Variants in PATJ observed in about 807,000 individuals in gnomAD.
The protein encoded by PATJ is inaD-like protein.
Under a neutral mutation model 224.9 loss-of-function variants are expected in PATJ, and 190 were observed. That is an observed-to-expected ratio of 0.84 (90% CI 0.75 to 0.95). The LOEUF is 0.95. Among genes scored for constraint, PATJ ranks in the 40% least tolerant of loss-of-function variants. PATJ has a pLI of 0.00. For synonymous variants in PATJ, 769 were observed against 820.3 expected (o/e 0.94, Z 1.07); for missense variants, 2,121 against 2,270.3 (o/e 0.93, Z 1.34).
intron 33 of PATJ, among the ~76,000 whole-genome samples, chr1:62,096,939 A>G (rs1454829615): frequency 6.6e-6 from 1 of 152,278 alleles, no homozygotes; most frequent in Non-Finnish European, 1.5e-5. Flanking sequence ...TTTATATACT[A>G]GATATGCCCC....
At chr1:61,922,805 C>G (rs950461718) in intron 26 of PATJ, among the ~76,000 whole-genome samples, 1 of 152,146 alleles carries the variant, frequency 6.6e-6, no homozygotes, top group Non-Finnish European at 1.5e-5. Context: ...TATTGGTTAC[C>G]TATAGTGAAC....
Position 61,766,134 on chromosome 1 carries a change from A to G in PATJ, c.190-145A>G, listed in dbSNP as rs1646256536. 5 of 569,624 alleles carry G rather than the reference A, an allele frequency of 8.8e-6. No individual in the cohort carries two copies. The East Asian group carries it at 1.0e-4, about 12-fold the overall frequency. The allele number at this position is 569,624 out of a possible 1,614,324, so 35.3% of individuals were successfully genotyped here. ...AAAAAATTTTTAGCCTTGTGAATAC[A>G]CAGATTTGATCTATCTTTACCTTAT... On this transcript the variant is annotated intron_variant, in intron 3 of 43. Transcript: ENST00000642238.
chr1:61,784,272 TTC>T (rs1648026730), intron 7 of PATJ, among the ~76,000 whole-genome samples: 1 of 152,236 alleles, frequency 6.6e-6, no homozygotes, highest in African/African-American at 2.4e-5. Context: ...GATTGATGAT[TTC>T]TGTTAAAGAA....
chr1:61,916,972 G>A (rs1362332708), intron 26 of PATJ, among the ~76,000 whole-genome samples: 3 of 152,170 alleles, frequency 2.0e-5, no homozygotes, highest in African/African-American at 7.2e-5. Flanking sequence ...AGAATACAGA[G>A]TCTGGAAAAT....
chr1:62,141,532 A>C (rs1667494483), intron 41 of PATJ, among the ~76,000 whole-genome samples: 1 of 152,024 alleles, frequency 6.6e-6, no homozygotes, highest in African/African-American at 2.4e-5. Flanking sequence ...AAAATTAGCC[A>C]GGCATGGTGG....
At chr1:62,070,848 A>C (rs1012094830) in intron 31 of PATJ, among the ~76,000 whole-genome samples, 2 of 152,212 alleles carry the variant, frequency 1.3e-5, no homozygotes, top group African/African-American at 4.8e-5. Flanking sequence ...CTCCAGTCTC[A>C]GGATAGTGCT....
At chr1:62,156,023 A>C (rs1346175726) in intron 43 of PATJ, among the ~76,000 whole-genome samples, 3 of 129,346 alleles carry the variant, frequency 2.3e-5, no homozygotes, top group Non-Finnish European at 4.6e-5. Flanking sequence ...GCGCCACTGC[A>C]CTCCAGCCTG....
intron 4 of PATJ, 39 bp from the exon 5 acceptor site, chr1:61,769,244 G>A (rs2148346928): frequency 6.3e-7 from 1 of 1,587,654 alleles, no homozygotes; most frequent in Non-Finnish European, 8.5e-7. Context: ...TTGGCTAAAT[G>A]TACACCATTG....
intron 41 of PATJ, among the ~76,000 whole-genome samples, chr1:62,146,201 A>G (rs1278560528): frequency 6.6e-6 from 1 of 152,032 alleles, no homozygotes; most frequent in Non-Finnish European, 1.5e-5. Flanking sequence ...CTGGCATGTG[A>G]GAGAAACAGT....
intron 26 of PATJ, among the ~76,000 whole-genome samples, chr1:61,916,841 T>A (rs572520433): frequency 7.9e-5 from 12 of 152,262 alleles, no homozygotes; most frequent in Non-Finnish European, 1.6e-4. Flanking sequence ...TTAGTTTGGT[T>A]GGTGATGAAA....
intron 22 of PATJ, among the ~76,000 whole-genome samples, chr1:61,898,807 G>A (rs1279241465): frequency 6.6e-6 from 1 of 152,128 alleles, no homozygotes; most frequent in Non-Finnish European, 1.5e-5. Context: ...TTTATTCTGA[G>A]ACAGGGTCTT....
rs10557763 is a variant in PATJ at position 62,149,804 on chromosome 1, A to AT, written c.5378+1429dup. ...TAATCCCACCACTGCTAACACTGGG[A>AT]TTTTTTTTTTTTTTTACTAGCCTTC... On this transcript the variant is annotated intron_variant, in intron 42 of 43. Coordinates refer to ENST00000642238, the MANE Select transcript of PATJ (RefSeq NM_001350145.3). Among the ~76,000 whole-genome samples the AT allele has an allele frequency of 3.2e-3, 472 of 146,776 alleles. 2 individuals carry two copies. Among genetic ancestry groups the AT allele is most frequent in the Non-Finnish European group, 4.1e-3 (270 of 66,112 alleles).
intron 29 of PATJ, among the ~76,000 whole-genome samples, chr1:62,019,825 T>G (rs1015187645): frequency 5.9e-5 from 9 of 152,096 alleles, no homozygotes; most frequent in African/African-American, 1.9e-4. Flanking sequence ...ATGTTGTTCA[T>G]TAAGAGAAGT....
At chr1:61,878,135 A>G (rs765421029) in intron 21 of PATJ, among the ~76,000 whole-genome samples, 1 of 152,226 alleles carries the variant, frequency 6.6e-6, no homozygotes, top group East Asian at 1.9e-4. Flanking sequence ...TGCTTTTTCC[A>G]GTGTAGCTGG....
At chr1:61,967,722 G>A (rs560190499) in intron 27 of PATJ, among the ~76,000 whole-genome samples, 3 of 152,270 alleles carry the variant, frequency 2.0e-5, no homozygotes, top group Non-Finnish European at 4.4e-5. Context: ...AGAAATTTGG[G>A]TTTAGAATTG....
At chr1:62,061,680 G>A (rs996255076) in intron 31 of PATJ, among the ~76,000 whole-genome samples, 15 of 151,412 alleles carry the variant, frequency 9.9e-5, no homozygotes, top group Middle Eastern at 6.8e-3. Context: ...TTTTTTTTGA[G>A]ATGGAGTCTC....
intron 31 of PATJ, 131 bp downstream of exon 31, chr1:62,051,189 T>C: frequency 1.5e-6 from 1 of 688,692 alleles, no homozygotes; most frequent in Non-Finnish European, 2.5e-6. Context: ...GACAAGAAGC[T>C]ATTATATGTA....
rs1269959887 is a variant in PATJ at position 62,128,948 on chromosome 1, A to G, written c.5271+3A>G. 2 of 1,588,684 alleles carry G rather than the reference A, an allele frequency of 1.3e-6. No homozygotes were observed. The highest frequency in any genetic ancestry group is 1.7e-5 in the Admixed American group (1 of 59,890). ...CCTACGGGCGCATTATCCTGCAGGT[A>G]TTGCGATCAACGGAGCACGCAGCTG... On this transcript the variant is annotated splice_donor_region_variant and intron_variant, in intron 41 of 43. Transcript: ENST00000642238.
chr1:61,995,089 T>C (rs1333356804), intron 28 of PATJ, among the ~76,000 whole-genome samples: 1 of 152,234 alleles, frequency 6.6e-6, no homozygotes, highest in Non-Finnish European at 1.5e-5. Context: ...CCAAGAAAGC[T>C]AAAGCCAGTG....
Sources: allele counts gnomAD v4.1 joint callset (sites outside exome capture counted in the v4.1 genomes callset), GRCh38; gene constraint gnomAD v4.1.1; transcripts MANE v1.5; gene names NCBI Gene and HGNC (gene_info 2026-07-23, HGNC 2026-07-21).